The following RBFOX3 variants were observed in gnomAD, a reference collection of about 807,000 sequenced individuals.
The protein encoded by RBFOX3 is RNA binding protein fox-1 homolog 3.
In RBFOX3, 17 loss-of-function variants were observed where a neutral mutation model predicts 48.7. That is an observed-to-expected ratio of 0.35 (90% CI 0.24 to 0.52). RBFOX3 has a LOEUF of 0.52. Among genes scored for constraint, RBFOX3 ranks in the 20% least tolerant of loss-of-function variants. The pLI is 0.94. For synonymous variants in RBFOX3, 212 were observed against 209.5 expected, an observed-to-expected ratio of 1.01 and a Z score of -0.10; for missense variants, 382 against 497.5, an observed-to-expected ratio of 0.77 and a Z score of 2.21.
intron 1 of RBFOX3, among the ~76,000 whole-genome samples, chr17:79,496,580 T>C (rs1300156676): frequency 3.3e-5 from 5 of 152,298 alleles, no homozygotes; most frequent in African/African-American, 1.2e-4. Flanking sequence ...GCCCAGGCCC[T>C]GGCGGGGCTT....
At chr17:79,142,136 C>T (rs1471633948) in intron 4 of RBFOX3, among the ~76,000 whole-genome samples, 4 of 152,172 alleles carry the variant, frequency 2.6e-5, no homozygotes, top group Non-Finnish European at 5.9e-5. Context: ...GGAGCCACAC[C>T]GAAAACACAA....
intron 1 of RBFOX3, among the ~76,000 whole-genome samples, chr17:79,490,786 A>C (rs2080373205): frequency 6.6e-6 from 1 of 151,414 alleles, no homozygotes; most frequent in Non-Finnish European, 1.5e-5. Flanking sequence ...ATGGGCTCCT[A>C]CAAGATGGCA....
chr17:79,274,136 TCCACCTGTCTGGGCACTGGTA>T (rs371813148), intron 3 of RBFOX3, among the ~76,000 whole-genome samples: 34 of 152,218 alleles, frequency 2.2e-4, no homozygotes, highest in South Asian at 1.7e-3. Flanking sequence ...ACCAGCAGTG[TCCACCTGTCTGGGCACTGGTA>T]CCACCTGTCT....
At chr17:79,237,753 T>C (rs966048557) in intron 3 of RBFOX3, among the ~76,000 whole-genome samples, 2 of 152,166 alleles carry the variant, frequency 1.3e-5, no homozygotes, top group African/African-American at 4.8e-5. Context: ...GTGGAGCCCC[T>C]GTTCTCCTCC....
At chr17:79,584,851 C>T (rs1458431268) in intron 1 of RBFOX3, among the ~76,000 whole-genome samples, 4 of 152,028 alleles carry the variant, frequency 2.6e-5, no homozygotes, top group Admixed American at 6.5e-5. Flanking sequence ...CTGCAAGCTC[C>T]ACCTCCCGGG....
chr17:79,517,131 T>C (rs1267721244), intron 1 of RBFOX3, among the ~76,000 whole-genome samples: 1 of 152,088 alleles, frequency 6.6e-6, no homozygotes, highest in African/African-American at 2.4e-5. Context: ...AAGTGTTATG[T>C]CATGTGTATT....
chr17:79,227,792 C>A (rs911797287), intron 4 of RBFOX3, among the ~76,000 whole-genome samples: 1 of 152,186 alleles, frequency 6.6e-6, no homozygotes, highest in African/African-American at 2.4e-5. Context: ...AGGCTCGGGG[C>A]CTCTGTGTTG....
Position 79,458,801 on chromosome 17 carries a change from C to A in RBFOX3, c.-175+23653G>T, listed in dbSNP as rs367867867. Among the ~76,000 whole-genome samples the A allele has an allele frequency of 3.3e-5, 5 of 152,262 alleles. No homozygotes were observed. The East Asian group carries it at 9.7e-4, about 29-fold the overall frequency. On this transcript the variant is annotated intron_variant, in intron 2 of 14. Coordinates refer to ENST00000693108, the MANE Select transcript of RBFOX3 (RefSeq NM_001350451.2). Reference sequence around the variant, plus strand: ...GAGCGAGATGTTGAAGCCCTCACCCCTGCCACAGGAGGCCCAGCTGAGAAA... The same window carrying A: ...GAGCGAGATGTTGAAGCCCTCACCCATGCCACAGGAGGCCCAGCTGAGAAA...
At chr17:79,637,121 T>C in the RBFOX3 span, among the ~76,000 whole-genome samples, 1 of 152,188 alleles carries the variant, frequency 6.6e-6, no homozygotes, top group Non-Finnish European at 1.5e-5. Flanking sequence ...TAAGTCTATA[T>C]GCACTCAACA....
intron 1 of RBFOX3, among the ~76,000 whole-genome samples, chr17:79,608,108 G>A (rs962304383): frequency 3.9e-4 from 59 of 152,318 alleles, no homozygotes; most frequent in African/African-American, 1.4e-3. Context: ...GGGAGGGCGA[G>A]GAGGGCAGGC....
chr17:79,495,584 A>G (rs1269525386), intron 1 of RBFOX3, among the ~76,000 whole-genome samples: 7 of 12,196 alleles, frequency 5.7e-4, no homozygotes, highest in African/African-American at 1.3e-3. Flanking sequence ...GGGATGTGGG[A>G]AGGTGGGGGA....
rs1599928493 is a variant in RBFOX3, at chr17:79,198,290, C to T, written c.-34+37476G>A. Among the ~76,000 whole-genome samples the T allele has an allele frequency of 6.6e-6, 1 of 152,234 alleles. No individual in the cohort carries two copies. Among genetic ancestry groups the T allele is most frequent in the Non-Finnish European group, 1.5e-5 (1 of 68,048 alleles). On this transcript the variant is annotated intron_variant, in intron 4 of 14. Transcript: ENST00000693108. This position sits in a 1 kb window ranked among gnomAD's most constrained non-coding sequence, Gnocchi z 8.2. ...TCGCCCCTGCCCTGCACCTCTCCAT[C>T]CCACATGAGGCGACCTTGCAGGCAC...
chr17:79,433,346 T>C (rs2068813875), intron 2 of RBFOX3, among the ~76,000 whole-genome samples: 1 of 152,240 alleles, frequency 6.6e-6, no homozygotes, highest in East Asian at 1.9e-4. Flanking sequence ...CCTCTGTCTT[T>C]TAAGCAGATA....
In RBFOX3 at chr17:79,274,073, C is replaced by A. The variant is rs569846662; in HGVS notation, c.-74+33651G>T. On this transcript the variant is annotated intron_variant, in intron 3 of 14. Coordinates refer to ENST00000693108, the MANE Select transcript of RBFOX3 (RefSeq NM_001350451.2). Reference sequence around the variant, plus strand: ...GAGCCAGGGCAGGGGCGGACGCTGACCCCATGCATACAGCTGGCTGAGAGA... The same window carrying A: ...GAGCCAGGGCAGGGGCGGACGCTGAACCCATGCATACAGCTGGCTGAGAGA... 2.6e-5 allele frequency among the ~76,000 whole-genome samples: 4 copies of A among 152,312 alleles called. No individual in the cohort carries two copies. In the South Asian group the frequency reaches 8.3e-4, roughly 32 times the overall value.
At chr17:79,415,018 A>G (rs2065088034) in intron 2 of RBFOX3, among the ~76,000 whole-genome samples, 1 of 152,144 alleles carries the variant, frequency 6.6e-6, no homozygotes, top group African/African-American at 2.4e-5. Flanking sequence ...CAGCCTCCCC[A>G]GCTCATCGCC....
chr17:79,171,633 T>C (rs1331283456), intron 4 of RBFOX3, among the ~76,000 whole-genome samples: 4 of 106,804 alleles, frequency 3.7e-5, no homozygotes, highest in African/African-American at 1.9e-4. Context: ...ACTTTTTTTT[T>C]ATAAATTAAA....
intron 2 of RBFOX3, among the ~76,000 whole-genome samples, chr17:79,437,188 C>A (rs143972781): frequency 2.7e-4 from 41 of 152,294 alleles, no homozygotes; most frequent in Non-Finnish European, 4.9e-4. Flanking sequence ...TCTCACCCCC[C>A]AGGAGCCCCC....
intron 1 of RBFOX3, among the ~76,000 whole-genome samples, chr17:79,499,117 C>T (rs2149707762): frequency 6.6e-6 from 1 of 151,912 alleles, no homozygotes; most frequent in Non-Finnish European, 1.5e-5. Context: ...TCCACTTATC[C>T]ATCCATCCAT....
At chr17:79,376,052 C>T (rs950875745) in intron 2 of RBFOX3, among the ~76,000 whole-genome samples, 4 of 152,210 alleles carry the variant, frequency 2.6e-5, no homozygotes, top group Non-Finnish European at 5.9e-5. Flanking sequence ...AGACGATTCT[C>T]GTCCTGATCA....
Sources: gnomAD v4.1 joint callset for allele counts (sites outside exome capture counted in the v4.1 genomes callset) on GRCh38, gnomAD v4.1.1 for gene constraint, Gnocchi (gnomAD v3.1) non-coding constraint, MANE v1.5 for transcripts, NCBI Gene and HGNC (gene_info 2026-07-23, HGNC 2026-07-21) for gene names.